The following SOBP variants were observed in gnomAD, a reference collection of about 807,000 sequenced individuals.
SOBP encodes sine oculis binding protein homolog, also known as sine oculis-binding protein homolog.
A neutral mutation model predicts 53.6 loss-of-function variants in SOBP; 4 were observed. That is an observed-to-expected ratio of 0.07 (90% CI 0.04 to 0.17). SOBP has a LOEUF of 0.17. Among genes scored for constraint, SOBP ranks in the 10% least tolerant of loss-of-function variants. SOBP has a pLI of 1.00. For missense variants in SOBP, 1,088 were observed against 1,204.7 expected (o/e 0.90, Z 1.43); for synonymous variants, 584 against 522.6 (o/e 1.12, Z -1.60).
intron 3 of SOBP, among the ~76,000 whole-genome samples, chr6:107,531,913 G>C (rs754824238): frequency 2.6e-5 from 4 of 151,988 alleles, no homozygotes; most frequent in Non-Finnish European, 4.4e-5. Context: ...TGATACTCAG[G>C]GGGAAAAAAG....
intron 5 of SOBP, among the ~76,000 whole-genome samples, chr6:107,626,581 A>G (rs1161974190): frequency 6.6e-6 from 1 of 152,218 alleles, no homozygotes; most frequent in Non-Finnish European, 1.5e-5. Flanking sequence ...CCAGGTTCCT[A>G]GCACAGCACC....
chr6:107,496,966 C>G (rs767441784), intron 1 of SOBP, among the ~76,000 whole-genome samples: 18 of 152,220 alleles, frequency 1.2e-4, no homozygotes, highest in Non-Finnish European at 2.4e-4. Flanking sequence ...AGACTCAGCC[C>G]TGGGCCAGGC....
At chr6:107,583,806 T>G (rs1040021621) in intron 4 of SOBP, among the ~76,000 whole-genome samples, 5 of 152,210 alleles carry the variant, frequency 3.3e-5, no homozygotes, top group Admixed American at 3.3e-4. Context: ...TGAGTGTTCC[T>G]TATCCAAAAT....
At chr6:107,501,671 G>T (rs368806195) in intron 1 of SOBP, among the ~76,000 whole-genome samples, 1 of 152,088 alleles carries the variant, frequency 6.6e-6, no homozygotes, top group South Asian at 2.1e-4. Flanking sequence ...CTCTATTTGT[G>T]TGCCTAGGGA....
Position 107,490,677 on chromosome 6 carries a change from C to A in SOBP, c.61C>A (p.His21Asn). Reference sequence around the variant, plus strand: ...AAATAAACGGAGCAGGAAGCCGGCTCACCCAGTGAAAAGGGAGATCAATGA... The same window carrying A: ...AAATAAACGGAGCAGGAAGCCGGCTAACCCAGTGAAAAGGGAGATCAATGA... ...PENKRSRKPA[H>N]PVKREINEEM... Residue 21 changes from histidine to asparagine, a missense_variant, in exon 1 of 7, where the codon CAC (histidine) becomes AAC (asparagine). Coordinates refer to ENST00000317357, the MANE Select transcript of SOBP (RefSeq NM_018013.4). The A allele has an allele frequency of 1.2e-6, 2 of 1,608,162 alleles. No individual in the cohort carries two copies. Among genetic ancestry groups the A allele is most frequent in the Non-Finnish European group, 1.7e-6 (2 of 1,176,936 alleles).
intron 4 of SOBP, among the ~76,000 whole-genome samples, chr6:107,572,535 C>G (rs1020035520): frequency 6.6e-6 from 1 of 152,156 alleles, no homozygotes; most frequent in Non-Finnish European, 1.5e-5. Context: ...AACTCCTGAG[C>G]TCAAGCAATC....
At chr6:107,536,211 G>A (rs1783993663) in intron 4 of SOBP, among the ~76,000 whole-genome samples, 1 of 152,158 alleles carries the variant, frequency 6.6e-6, no homozygotes, top group Admixed American at 6.5e-5. Flanking sequence ...TGGATAGCAT[G>A]GTGGGATCTA....
At chr6:107,570,957 G>A (rs1785057483) in intron 4 of SOBP, among the ~76,000 whole-genome samples, 1 of 152,258 alleles carries the variant, frequency 6.6e-6, no homozygotes, top group Admixed American at 6.5e-5. Context: ...GGGATTTGCT[G>A]TCCTTGACGG....
At chr6:107,655,989 A>C (rs1772015790) in intron 6 of SOBP, among the ~76,000 whole-genome samples, 1 of 152,208 alleles carries the variant, frequency 6.6e-6, no homozygotes, top group Non-Finnish European at 1.5e-5. Flanking sequence ...GAAAATGTTA[A>C]ACATTCTCCC....
intron 4 of SOBP, among the ~76,000 whole-genome samples, chr6:107,550,522 C>T (rs1479743980): frequency 6.6e-6 from 1 of 152,196 alleles, no homozygotes; most frequent in African/African-American, 2.4e-5. Context: ...AGGTCCTTGC[C>T]TCTGAGGCTC....
chr6:107,597,929 G>A (rs1167079599), intron 5 of SOBP, among the ~76,000 whole-genome samples: 1 of 152,118 alleles, frequency 6.6e-6, no homozygotes, highest in African/African-American at 2.4e-5. Context: ...AAAAAACTGG[G>A]TATTTAATGT....
intron 3 of SOBP, among the ~76,000 whole-genome samples, chr6:107,531,589 A>T (rs762890472): frequency 1.6e-4 from 25 of 152,100 alleles, no homozygotes; most frequent in Non-Finnish European, 3.2e-4. Flanking sequence ...GATCATGTAA[A>T]ATATAAATAA....
intron 6 of SOBP, among the ~76,000 whole-genome samples, chr6:107,645,625 C>T (rs568426163): frequency 5.9e-5 from 9 of 152,206 alleles, no homozygotes; most frequent in Middle Eastern, 3.5e-3. Flanking sequence ...GAGCAGGGAC[C>T]GGGTCCAGTT....
rs78779901 is a variant in SOBP at position 107,517,965 on chromosome 6, T to C, written c.421+11538T>C. On this transcript the variant is annotated intron_variant, in intron 3 of 6. Transcript: ENST00000317357. ...GATGGATACACTGAAGGCCTTGAATTCGCCATAGTGCAATATATCAATATA... is the reference window on the plus strand; with the variant it reads ...GATGGATACACTGAAGGCCTTGAATCCGCCATAGTGCAATATATCAATATA... Among the ~76,000 whole-genome samples, 429 of 152,312 alleles carry C rather than the reference T, an allele frequency of 2.8e-3. 3 individuals are homozygous for C. The highest frequency in any genetic ancestry group is 9.7e-3 in the African/African-American group (404 of 41,570).
chr6:107,562,667 A>G (rs1374925883), intron 4 of SOBP, among the ~76,000 whole-genome samples: 1 of 152,222 alleles, frequency 6.6e-6, no homozygotes. Context: ...GAGGTGACAA[A>G]GTATGACTGA....
intron 4 of SOBP, among the ~76,000 whole-genome samples, chr6:107,543,021 A>AC (rs1046548488): frequency 5.9e-5 from 9 of 152,054 alleles, no homozygotes; most frequent in African/African-American, 2.2e-4. Flanking sequence ...TCTTGAAGGG[A>AC]CCATCTTTGG....
chr6:107,610,881 A>G (rs1216316783), intron 5 of SOBP, among the ~76,000 whole-genome samples: 1 of 152,218 alleles, frequency 6.6e-6, no homozygotes, highest in Non-Finnish European at 1.5e-5. Flanking sequence ...GAAGAGTTGA[A>G]CATTTGTTCC....
rs547603613 is a variant in SOBP at position 107,570,062 on chromosome 6, A to G, written c.574-17018A>G. Among the ~76,000 whole-genome samples, 10 of 152,360 alleles carry G rather than the reference A, an allele frequency of 6.6e-5. No homozygotes were observed. In the South Asian group the frequency reaches 2.1e-3, roughly 32 times the overall value. On this transcript the variant is annotated intron_variant, in intron 4 of 6. Transcript: ENST00000317357. Reference sequence around the variant, plus strand: ...GTAAGGGTAGTTAGCACTTATGCTAATGAGAATAACGGGACTGGTTAAATA... The same window carrying G: ...GTAAGGGTAGTTAGCACTTATGCTAGTGAGAATAACGGGACTGGTTAAATA...
chr6:107,625,930 G>T (rs1387661161), intron 5 of SOBP, among the ~76,000 whole-genome samples: 1 of 152,196 alleles, frequency 6.6e-6, no homozygotes, highest in Non-Finnish European at 1.5e-5. Flanking sequence ...ACATTAGTTT[G>T]ATGGGTTTCC....
Sources: gnomAD v4.1 joint callset for allele counts (sites outside exome capture counted in the v4.1 genomes callset) on GRCh38, gnomAD v4.1.1 for gene constraint, MANE v1.5 for transcripts, NCBI Gene and HGNC (gene_info 2026-07-23, HGNC 2026-07-21) for gene names.